MCC: variants seen among roughly 807,000 people sequenced by gnomAD.
MCC encodes the protein colorectal mutant cancer protein.
In MCC, 90 loss-of-function variants were observed where a neutral mutation model predicts 116.2. The ratio of observed to expected loss-of-function variants is 0.77; its 90% CI spans 0.65 to 0.92. MCC has a LOEUF of 0.92. Ranked by LOEUF, MCC falls within the 40% of genes least tolerant of loss-of-function variation. The pLI is 0.00. For synonymous variants in MCC, 578 were observed against 510.5 expected, an observed-to-expected ratio of 1.13 and a Z score of -1.78; for missense variants, 1,516 against 1,312.2, an observed-to-expected ratio of 1.16 and a Z score of -2.40.
chr5:113,364,437 G>C (rs1185640990), intron 2 of MCC, among the ~76,000 whole-genome samples: 1 of 152,156 alleles, frequency 6.6e-6, no homozygotes, highest in Non-Finnish European at 1.5e-5. Context: ...CTACAGCTTT[G>C]CAGGGTTCAG....
At chr5:113,136,284 C>G (rs571970475) in intron 5 of MCC, among the ~76,000 whole-genome samples, 1 of 152,154 alleles carries the variant, frequency 6.6e-6, no homozygotes, top group South Asian at 2.1e-4. Context: ...AATCAACAAT[C>G]TCTACTCCTG....
chr5:113,482,667 T>C (rs546805162), intron 1 of MCC, among the ~76,000 whole-genome samples: 44 of 152,196 alleles, frequency 2.9e-4, no homozygotes, highest in Non-Finnish European at 5.3e-4. Context: ...TTATCAGATG[T>C]ACAATTTGTA....
At chr5:113,093,053 A>C (rs967480951) in intron 8 of MCC, among the ~76,000 whole-genome samples, 2 of 152,238 alleles carry the variant, frequency 1.3e-5, no homozygotes, top group Non-Finnish European at 2.9e-5. Flanking sequence ...GACAAACCTT[A>C]AAATCAGAGT....
chr5:113,448,114 A>G (rs1436829652), intron 1 of MCC: 1 of 152,254 alleles, frequency 6.6e-6, no homozygotes, highest in South Asian at 2.1e-4. Flanking sequence ...CGCACATTAA[A>G]TCTCACAATA....
At chr5:113,348,527 A>T (rs1036879447) in intron 2 of MCC, among the ~76,000 whole-genome samples, 1 of 152,096 alleles carries the variant, frequency 6.6e-6, no homozygotes, top group Non-Finnish European at 1.5e-5. Context: ...ATGATAATGG[A>T]CATGCAACAT....
chr5:113,252,466 T>C lies in MCC; in HGVS notation c.627+88053A>G, dbSNP rs1203459466. On this transcript the variant is annotated intron_variant, in intron 3 of 18. Transcript: ENST00000408903. ...CTAGGTTGCAAGCTCCCTGTGAGAA[T>C]CTAATGCCTTATGATCTGTCGCTGT... Among the ~76,000 whole-genome samples, 4 of 152,188 alleles carry C rather than the reference T, an allele frequency of 2.6e-5. No individual in the cohort carries two copies. In the East Asian group the frequency reaches 5.8e-4, roughly 22 times the overall value.
At chr5:113,433,683 G>A (rs1487294343) in intron 1 of MCC, 2 of 1,560,670 alleles carry the variant, frequency 1.3e-6, no homozygotes, top group African/African-American at 2.7e-5. Flanking sequence ...GACTTCTTCA[G>A]AGCTTGGGCT....
chr5:113,215,110 A>C (rs1763262418), intron 3 of MCC, among the ~76,000 whole-genome samples: 1 of 152,270 alleles, frequency 6.6e-6, no homozygotes, highest in South Asian at 2.1e-4. Context: ...CAGCCCTTTA[A>C]GTTTGGGCTC....
At chr5:113,413,887 C>G (rs1364011967) in intron 1 of MCC, among the ~76,000 whole-genome samples, 2 of 152,036 alleles carry the variant, frequency 1.3e-5, no homozygotes, top group African/African-American at 4.8e-5. Context: ...TAGATCTTTC[C>G]TGCTTTCTCT....
intron 3 of MCC, chr5:113,294,318 C>T: frequency 6.2e-7 from 1 of 1,613,686 alleles, no homozygotes; most frequent in Non-Finnish European, 8.5e-7. Context: ...CCGACCTCAG[C>T]TGTTTCTTAC....
In MCC at chr5:113,409,334, A is replaced by G. The variant is rs375013011; in HGVS notation, c.171-24122T>C. On this transcript the variant is annotated intron_variant, in intron 1 of 18. Transcript: ENST00000408903. ...AACAACAAAAACGCAACATCCACAG[A>G]TTCTATTAATAACACTGTTAAATAC... is the stretch of plus-strand genomic sequence containing the variant. Among the ~76,000 whole-genome samples, 3 of 152,236 alleles carry G rather than the reference A, an allele frequency of 2.0e-5. No individual in the cohort carries two copies. The South Asian group carries it at 6.2e-4, about 32-fold the overall frequency.
At chr5:113,265,208 G>A (rs1765376512) in intron 3 of MCC, among the ~76,000 whole-genome samples, 1 of 152,126 alleles carries the variant, frequency 6.6e-6, no homozygotes, top group African/African-American at 2.4e-5. Flanking sequence ...CTATCCCTGT[G>A]CTCTGGGCCC....
intron 3 of MCC, among the ~76,000 whole-genome samples, chr5:113,264,063 C>T (rs530814440): frequency 3.3e-5 from 5 of 152,112 alleles, no homozygotes; most frequent in Non-Finnish European, 7.4e-5. Flanking sequence ...AGGCACTTTG[C>T]TCTTTAGAAA....
chr5:113,173,157 T>C (rs1761160350), intron 3 of MCC, among the ~76,000 whole-genome samples: 1 of 152,170 alleles, frequency 6.6e-6, no homozygotes, highest in Non-Finnish European at 1.5e-5. Flanking sequence ...TTATGTAGCT[T>C]CCATAAACCT....
At chr5:113,050,243 T>G (rs1752398257) in intron 15 of MCC, among the ~76,000 whole-genome samples, 2 of 152,136 alleles carry the variant, frequency 1.3e-5, no homozygotes, top group African/African-American at 4.8e-5. Flanking sequence ...CTATACTGCC[T>G]CCCTCCCTTT....
At chr5:113,250,387 T>A (rs537636542) in intron 3 of MCC, among the ~76,000 whole-genome samples, 1 of 152,136 alleles carries the variant, frequency 6.6e-6, no homozygotes, top group Non-Finnish European at 1.5e-5. Flanking sequence ...GAAAAGGAGA[T>A]GTAGGAAAAA....
At chr5:113,346,876 C>T (rs1241533860) in intron 2 of MCC, among the ~76,000 whole-genome samples, 8 of 150,632 alleles carry the variant, frequency 5.3e-5, no homozygotes, top group African/African-American at 1.7e-4. Context: ...TGTCTGGAAG[C>T]AGACTTCTCA....
chr5:113,175,233 A>C (rs1357821384), intron 3 of MCC, among the ~76,000 whole-genome samples: 2 of 152,230 alleles, frequency 1.3e-5, no homozygotes, highest in Non-Finnish European at 2.9e-5. Context: ...TAACAATGCA[A>C]ATGTAAAAGT....
intron 3 of MCC, among the ~76,000 whole-genome samples, chr5:113,175,954 C>T (rs117724219): frequency 2.2e-4 from 34 of 152,168 alleles, no homozygotes; most frequent in Admixed American, 4.6e-4. Context: ...CATCCTACCC[C>T]CTATGTACTG....
Sources: allele counts gnomAD v4.1 joint callset (sites outside exome capture counted in the v4.1 genomes callset), GRCh38; gene constraint gnomAD v4.1.1; transcripts MANE v1.5; gene names NCBI Gene and HGNC (gene_info 2026-07-23, HGNC 2026-07-21).